The following TPGS2 variants were observed in gnomAD, a reference collection of about 807,000 sequenced individuals.
The protein encoded by TPGS2 is polyglutamylase subunit 2.
TPGS2 carries 26 observed loss-of-function variants against 31.1 expected under a neutral mutation model. The ratio of observed to expected loss-of-function variants is 0.84; its 90% CI spans 0.61 to 1.16. The LOEUF is 1.16. Ranked by LOEUF, TPGS2 falls within the 50% of genes most tolerant of loss-of-function variation. TPGS2 has a pLI of 0.00. For missense variants in TPGS2, 351 were observed against 363.8 expected (o/e 0.96, Z 0.29); for synonymous variants, 130 against 136.6 (o/e 0.95, Z 0.34).
At chr18:36,799,889 CTA>C (rs1412870988) in intron 5 of TPGS2, among the ~76,000 whole-genome samples, 4 of 152,092 alleles carry the variant, frequency 2.6e-5, no homozygotes, top group African/African-American at 9.7e-5. Flanking sequence ...GGATGCTTAT[CTA>C]GTACATGAAC....
At chr18:36,823,607 C>T (rs1465701275) in intron 1 of TPGS2, among the ~76,000 whole-genome samples, 1 of 150,992 alleles carries the variant, frequency 6.6e-6, no homozygotes, top group African/African-American at 2.4e-5. Context: ...ACTACAGGCG[C>T]CCGCTACCAC....
At chr18:36,812,875 T>C (rs2045492433) in intron 2 of TPGS2, among the ~76,000 whole-genome samples, 1 of 152,216 alleles carries the variant, frequency 6.6e-6, no homozygotes, top group Non-Finnish European at 1.5e-5. Context: ...AGCTTGTTGA[T>C]GTGTTTGGGA....
chr18:36,810,839 A>G (rs2045390755), intron 2 of TPGS2, among the ~76,000 whole-genome samples: 1 of 152,206 alleles, frequency 6.6e-6, no homozygotes, highest in African/African-American at 2.4e-5. Context: ...GGAGCTATCA[A>G]CAAGATTCCA....
chr18:36,784,575 G>A (rs772117700), intron 6 of TPGS2, among the ~76,000 whole-genome samples: 2 of 152,200 alleles, frequency 1.3e-5, no homozygotes, highest in Non-Finnish European at 2.9e-5. Flanking sequence ...AAAATCAGTT[G>A]TGTTTGCTAG....
In TPGS2 at chr18:36,798,476, G is replaced by A. The variant is rs1275566814; in HGVS notation, c.630C>T (p.Thr210=). Residue 210 remains threonine (T), a synonymous_variant, in exon 6 of 7, where the codon ACC becomes ACT. Coordinates refer to ENST00000334295, the MANE Select transcript of TPGS2 (RefSeq NM_015476.4). ...LGLPQWQYAF[T]SYGISPQAKQ... Reference sequence around the variant, plus strand: ...TGGCCTGTGGGCTAATGCCATAGCTGGTGAAGGCATATTGCCACTGGGGCA... The same window carrying A: ...TGGCCTGTGGGCTAATGCCATAGCTAGTGAAGGCATATTGCCACTGGGGCA... 3 of 1,614,102 alleles carry A rather than the reference G, an allele frequency of 1.9e-6. No individual in the cohort carries two copies. Among genetic ancestry groups the A allele is most frequent in the Non-Finnish European group, 2.5e-6 (3 of 1,180,046 alleles).
chr18:36,794,656 A>G lies in TPGS2; in HGVS notation c.*2149T>C, dbSNP rs138032305. 2.0e-6 allele frequency: 2 copies of G among 985,396 alleles called. No individual in the cohort carries two copies. Among genetic ancestry groups the G allele is most frequent in the Non-Finnish European group, 2.4e-6 (2 of 829,928 alleles). 61.0% of individuals were successfully genotyped at this position (985,396 alleles called of 1,614,324 possible). On this transcript the variant is annotated 3_prime_UTR_variant, in exon 7 of 7. Transcript: ENST00000334295. ...CCTTTGATCAATTCTGGCAAGAAAA[A>G]TACTTCTGGAAGACTAAACTCCAGC...
Position 36,795,042 on chromosome 18 carries a change from A to AAAT in TPGS2, c.*1760_*1762dup. 4 of 985,444 alleles carry AAAT rather than the reference A, an allele frequency of 4.1e-6. No homozygotes were observed. The highest frequency in any genetic ancestry group is 4.8e-6 in the Non-Finnish European group (4 of 829,946). The allele number at this position is 985,444 out of a possible 1,614,324, so 61.0% of individuals were successfully genotyped here. On this transcript the variant is annotated 3_prime_UTR_variant, in exon 7 of 7. Transcript: ENST00000334295. ...ATATTTCAAGACTTTGAACTATTACAAATATGGGGAAGCAGCCAGTTAGAG... is the reference window on the plus strand; with the variant it reads ...ATATTTCAAGACTTTGAACTATTACAAATAATATGGGGAAGCAGCCAGTTAGAG...
At chr18:36,822,606 T>C (rs1258255369) in intron 1 of TPGS2, among the ~76,000 whole-genome samples, 2 of 152,208 alleles carry the variant, frequency 1.3e-5, no homozygotes, top group Non-Finnish European at 2.9e-5. Context: ...CCTATGTGTA[T>C]ATACTTAAGA....
intron 6 of TPGS2, among the ~76,000 whole-genome samples, chr18:36,784,090 C>G (rs2044075907): frequency 6.6e-6 from 1 of 152,244 alleles, no homozygotes; most frequent in Non-Finnish European, 1.5e-5. Flanking sequence ...AGGAATAGCA[C>G]AGCCGCTCGA....
chr18:36,811,576 C>G (rs891362394), intron 2 of TPGS2, among the ~76,000 whole-genome samples: 1 of 152,116 alleles, frequency 6.6e-6, no homozygotes, highest in South Asian at 2.1e-4. Flanking sequence ...ATATAATCAT[C>G]AAAATTCTAC....
chr18:36,797,151 A>C, intron 6 of TPGS2, 101 bp from the exon 7 acceptor site: 1 of 1,554,372 alleles, frequency 6.4e-7, no homozygotes, highest in Non-Finnish European at 8.6e-7. Context: ...CAGGAGGCAG[A>C]GGTACATTTT....
intron 4 of TPGS2, among the ~76,000 whole-genome samples, chr18:36,802,763 A>G (rs56348006): frequency 0.12 from 18,449 of 151,698 alleles, 1,405 homozygotes; most frequent in Admixed American, 0.17. Context: ...GAGTAGCTGG[A>G]ATTACAGGTG....
chr18:36,802,153 C>T (rs1305863962), intron 4 of TPGS2, among the ~76,000 whole-genome samples: 2 of 152,164 alleles, frequency 1.3e-5, no homozygotes, highest in African/African-American at 4.8e-5. Flanking sequence ...TGTTGTTTGT[C>T]ATTGTTGCTC....
rs1211954385 is a variant in TPGS2 at position 36,823,699 on chromosome 18, A to T, written c.86-4726T>A. 3 of 272,390 alleles carry T rather than the reference A, an allele frequency of 1.1e-5. No individual in the cohort carries two copies. The East Asian group carries it at 5.3e-4, about 48-fold the overall frequency. 16.9% of individuals were successfully genotyped at this position (272,390 alleles called of 1,614,324 possible). On this transcript the variant is annotated intron_variant, in intron 1 of 6. Transcript: ENST00000334295. ...ATGGTCTCGATCTCCTGACCTCGTG[A>T]TCTGCCCGCCTCGGCCTCCCAAAGT...
At chr18:36,799,552 C>T (rs903293636) in intron 5 of TPGS2, among the ~76,000 whole-genome samples, 2 of 152,192 alleles carry the variant, frequency 1.3e-5, no homozygotes, top group African/African-American at 2.4e-5. Context: ...CTAATTCCTA[C>T]CCCACAGTTC....
downstream of TPGS2, chr18:36,789,752 T>G (rs993312137): frequency 1.3e-5 from 2 of 152,158 alleles, no homozygotes; most frequent in Admixed American, 6.5e-5. Context: ...TGGGGATGGT[T>G]TCCACCCTAC....
Position 36,797,032 on chromosome 18 carries a change from T to C in TPGS2, c.676A>G (p.Lys226Glu), listed in dbSNP as rs907873088. 3.8e-6 allele frequency: 6 copies of C among 1,596,316 alleles called. No homozygotes were observed. Among genetic ancestry groups the C allele is most frequent in the Non-Finnish European group, 4.3e-6 (5 of 1,174,758 alleles). ...PQAKQWFSMYKPITYNTNLLT... is the reference protein window; with the variant it reads ...PQAKQWFSMYEPITYNTNLLT... ...AGGTTTGTGTTGTAGGTGATAGGTTTATACATGCTGAACCATTGCTGTAAG... is the reference window on the plus strand; with the variant it reads ...AGGTTTGTGTTGTAGGTGATAGGTTCATACATGCTGAACCATTGCTGTAAG... Residue 226 changes from lysine to glutamate, a missense_variant, in exon 7 of 7, where the codon AAA (lysine) becomes GAA (glutamate). Coordinates refer to ENST00000334295, the MANE Select transcript of TPGS2 (RefSeq NM_015476.4).
At chr18:36,798,977 A>G (rs899396205) in intron 5 of TPGS2, among the ~76,000 whole-genome samples, 1 of 152,172 alleles carries the variant, frequency 6.6e-6, no homozygotes, top group East Asian at 1.9e-4. Context: ...CCTGAGAGAG[A>G]AAAACACTGA....
At chr18:36,787,814 C>G (rs1256133643) in intron 6 of TPGS2, among the ~76,000 whole-genome samples, 1 of 152,196 alleles carries the variant, frequency 6.6e-6, no homozygotes, top group African/African-American at 2.4e-5. Flanking sequence ...CACAGAGATG[C>G]AACACATCCT....
Sources: gnomAD v4.1 joint callset for allele counts (sites outside exome capture counted in the v4.1 genomes callset) on GRCh38, gnomAD v4.1.1 for gene constraint, MANE v1.5 for transcripts, NCBI Gene and HGNC (gene_info 2026-07-23, HGNC 2026-07-21) for gene names.